JAKMIP3: variants seen among roughly 807,000 people sequenced by gnomAD.
JAKMIP3 encodes the protein Janus kinase and microtubule interacting protein 3, also known as janus kinase and microtubule-interacting protein 3.
A neutral mutation model predicts 118.5 loss-of-function variants in JAKMIP3; 58 were observed. The ratio of observed to expected loss-of-function variants is 0.49; its 90% CI spans 0.40 to 0.61. The LOEUF (loss-of-function observed/expected upper bound fraction) is 0.61, where lower values mean the gene tolerates loss of function less well. Among genes scored for constraint, JAKMIP3 ranks in the 20% least tolerant of loss-of-function variants. The probability of loss-of-function intolerance (pLI) is 0.00; values close to 1 mark genes in which losing one functional copy is unlikely to be tolerated. For synonymous variants in JAKMIP3, 486 were observed against 451.2 expected (o/e 1.08, Z -0.98); for missense variants, 950 against 1,109.0 (o/e 0.86, Z 2.04).
At chr10:132,119,509 T>A (rs2048222031) in intron 3 of JAKMIP3, among the ~76,000 whole-genome samples, 1 of 152,184 alleles carries the variant, frequency 6.6e-6, no homozygotes, top group Non-Finnish European at 1.5e-5. Flanking sequence ...TCACAGCTCC[T>A]CTCTGCCAGA....
intron 1 of JAKMIP3, among the ~76,000 whole-genome samples, chr10:132,084,347 T>C (rs1002131679): frequency 6.6e-6 from 1 of 152,218 alleles, no homozygotes; most frequent in Non-Finnish European, 1.5e-5. Context: ...TTAGTTGCTG[T>C]TGGTGTATAG....
intron 23 of JAKMIP3, among the ~76,000 whole-genome samples, chr10:132,175,659 A>G (rs1194062835): frequency 6.6e-6 from 1 of 152,112 alleles, no homozygotes; most frequent in Non-Finnish European, 1.5e-5. Flanking sequence ...CTGAATGCCA[A>G]TGAGCAGCCC....
At chr10:132,080,096 C>T (rs2041525380) in intron 1 of JAKMIP3, among the ~76,000 whole-genome samples, 1 of 152,214 alleles carries the variant, frequency 6.6e-6, no homozygotes, top group African/African-American at 2.4e-5. Flanking sequence ...AGGATAATTG[C>T]TTGAGCCCAG....
intron 9 of JAKMIP3, 126 bp from the exon 10 acceptor site, chr10:132,140,323 GAC>G (rs2053229815): frequency 7.3e-7 from 1 of 1,375,474 alleles, no homozygotes; most frequent in Admixed American, 1.9e-5. Context: ...CTGTGCCAGG[GAC>G]AGAGATGGGA....
At chr10:132,121,917 TG>T (rs1002783219) in intron 3 of JAKMIP3, among the ~76,000 whole-genome samples, 4 of 152,228 alleles carry the variant, frequency 2.6e-5, no homozygotes, top group Non-Finnish European at 5.9e-5. Context: ...GAGGGAGTCC[TG>T]GGTGTTCAGC....
At chr10:132,085,980 C>T (rs12249949) in intron 1 of JAKMIP3, among the ~76,000 whole-genome samples, 2,735 of 152,094 alleles carry the variant, frequency 0.018, 79 homozygotes, top group African/African-American at 0.062. Context: ...TGTGCTCTTG[C>T]AGATTTTTTG....
chr10:132,163,532 G>A, intron 20 of JAKMIP3, 120 bp downstream of exon 20: 2 of 847,406 alleles, frequency 2.4e-6, no homozygotes, highest in Non-Finnish European at 3.6e-6. Flanking sequence ...CCACCCTCCA[G>A]TGGCCACACC....
rs1277271695 is a variant in JAKMIP3, at chr10:132,118,665, A to C, written c.633+1091A>C. Among the ~76,000 whole-genome samples the C allele has an allele frequency of 6.6e-6, 1 of 152,222 alleles. No individual in the cohort carries two copies. Among genetic ancestry groups the C allele is most frequent in the Non-Finnish European group, 1.5e-5 (1 of 68,030 alleles). On this transcript the variant is annotated intron_variant, in intron 3 of 23. Transcript: ENST00000684848. The surrounding 1 kb of genome is among the most constrained non-coding windows in gnomAD (Gnocchi z 4.8). Reference sequence around the variant, plus strand: ...TAAATATGACCTCGCCACAGTGTACACGTGGGTGCCCCCAAACGTGCCTAA... The same window carrying C: ...TAAATATGACCTCGCCACAGTGTACCCGTGGGTGCCCCCAAACGTGCCTAA...
At chr10:132,105,090 G>A (rs1022311210) in intron 2 of JAKMIP3, 147 bp downstream of exon 2, 6 of 943,898 alleles carry the variant, frequency 6.4e-6, no homozygotes, top group Non-Finnish European at 6.2e-6. Flanking sequence ...ACCACTTGGT[G>A]GGGGGTGGGG....
chr10:132,121,037 C>T (rs1338444942), intron 3 of JAKMIP3, among the ~76,000 whole-genome samples: 4 of 151,982 alleles, frequency 2.6e-5, no homozygotes, highest in African/African-American at 7.3e-5. Flanking sequence ...GAGAGGGACT[C>T]GGAACAGGGC....
At chr10:132,097,169 G>T (rs79265982) in intron 1 of JAKMIP3, among the ~76,000 whole-genome samples, 9,348 of 152,334 alleles carry the variant, frequency 0.061, 364 homozygotes, top group Middle Eastern at 0.092. Context: ...TACACGGCTG[G>T]TGGGAGGCAA....
chr10:132,080,258 G>C (rs1589765143), intron 1 of JAKMIP3, among the ~76,000 whole-genome samples: 1 of 152,064 alleles, frequency 6.6e-6, no homozygotes, highest in Non-Finnish European at 1.5e-5. Flanking sequence ...AGTGTACCAG[G>C]CTTCCAATTT....
chr10:132,089,065 A>G (rs950808703), intron 1 of JAKMIP3, among the ~76,000 whole-genome samples: 4 of 152,046 alleles, frequency 2.6e-5, no homozygotes, highest in African/African-American at 9.7e-5. Flanking sequence ...CCATTGGTCT[A>G]TATCTCTGTT....
At chr10:132,053,395 C>G (rs79383757) in intron 1 of JAKMIP3, among the ~76,000 whole-genome samples, 1 of 152,180 alleles carries the variant, frequency 6.6e-6, no homozygotes, top group Non-Finnish European at 1.5e-5. Flanking sequence ...CCTGTGGAAC[C>G]CCACACCAAA....
rs902500689 is a variant in JAKMIP3 at position 132,066,081 on chromosome 10, C to T, written c.-138+20C>T. Among the ~76,000 whole-genome samples, 1 of 152,304 alleles carries T rather than the reference C, an allele frequency of 6.6e-6. No individual in the cohort carries two copies. Among genetic ancestry groups the T allele is most frequent in the Non-Finnish European group, 1.5e-5 (1 of 68,030 alleles). On this transcript the variant is annotated intron_variant, in intron 1 of 23. Coordinates refer to ENST00000684848, the MANE Select transcript of JAKMIP3 (RefSeq NM_001323087.2). ...TGGAATGTGAGTGTTTATTTTCTGACTGCTGCAGAGGCTTTGTTGGTTTCG... is the reference window on the plus strand; with the variant it reads ...TGGAATGTGAGTGTTTATTTTCTGATTGCTGCAGAGGCTTTGTTGGTTTCG...
chr10:132,039,072 C>T lies in JAKMIP3; in HGVS notation c.-138+2334C>T, dbSNP rs375600218. Among the ~76,000 whole-genome samples, 7 of 152,356 alleles carry T rather than the reference C, an allele frequency of 4.6e-5. No individual in the cohort carries two copies. The East Asian group carries it at 1.4e-3, about 29-fold the overall frequency. ...AGTTCAGCAAGGGAGGAGGTACAGA[C>T]ATCGCCTAAAATCACCAGAACTAAG... is the stretch of plus-strand genomic sequence containing the variant. On this transcript the variant is annotated intron_variant, in intron 1 of 23. Coordinates refer to the JAKMIP3 transcript ENST00000657785.
chr10:132,153,064 C>T (rs2056506908), intron 17 of JAKMIP3, 41 bp downstream of exon 17: 2 of 1,485,896 alleles, frequency 1.3e-6, no homozygotes, highest in African/African-American at 1.4e-5. Flanking sequence ...GGGCCGGGCT[C>T]CTGGGGTCTC....
intron 1 of JAKMIP3, among the ~76,000 whole-genome samples, chr10:132,079,063 C>T (rs2041343487): frequency 6.8e-6 from 1 of 146,678 alleles, no homozygotes; most frequent in African/African-American, 2.6e-5. Context: ...CTGGCACCTG[C>T]GGCTTCCAGG....
At chr10:132,160,057 T>G (rs1224036840) in intron 19 of JAKMIP3, among the ~76,000 whole-genome samples, 2 of 3,622 alleles carry the variant, frequency 5.5e-4, no homozygotes, top group Non-Finnish European at 8.7e-4. Flanking sequence ...ATGCAGGCGG[T>G]GGCCTCTTCC....
Sources: gnomAD v4.1 joint callset for allele counts (sites outside exome capture counted in the v4.1 genomes callset) on GRCh38, gnomAD v4.1.1 for gene constraint, Gnocchi (gnomAD v3.1) non-coding constraint, MANE v1.5 for transcripts, NCBI Gene and HGNC (gene_info 2026-07-23, HGNC 2026-07-21) for gene names.